Variants in TRMT2A observed in about 807,000 individuals in gnomAD.
TRMT2A encodes the protein tRNA methyltransferase 2A, also known as tRNA (uracil-5-)-methyltransferase homolog A.
Under a neutral mutation model 59.3 loss-of-function variants are expected in TRMT2A, and 60 were observed. The ratio of observed to expected loss-of-function variants is 1.01; its 90% confidence interval spans 0.82 to 1.26. The LOEUF (loss-of-function observed/expected upper bound fraction) is 1.26, where lower values mean the gene tolerates loss of function less well. Among genes scored for constraint, TRMT2A ranks in the 50% most tolerant of loss-of-function variants. The pLI is 0.00. For missense variants in TRMT2A, 863 were observed against 845.2 expected, an observed-to-expected ratio of 1.02 and a Z score of -0.26; for synonymous variants, 403 against 353.7, an observed-to-expected ratio of 1.14 and a Z score of -1.56.
intron 7 of TRMT2A, 95 bp downstream of exon 7, chr22:20,114,479 A>T: frequency 9.4e-7 from 1 of 1,060,030 alleles, no homozygotes; most frequent in Admixed American, 1.7e-5. Context: ...ACTCCCCCAA[A>T]TCTCACCGCC....
chr22:20,113,064 G>A (rs1183832672), intron 10 of TRMT2A, 54 bp downstream of exon 10: 2 of 1,611,634 alleles, frequency 1.2e-6, no homozygotes, highest in Non-Finnish European at 1.7e-6. Flanking sequence ...AACATGGTGA[G>A]CCACCCCATG....
chr22:20,116,040 G>A lies in TRMT2A; in HGVS notation c.597C>T (p.Ala199=), dbSNP rs765604708. ...GGGCGTCTTGCGCCCACACTCACTTGGCAAGTTTCTGCAGCACCTGCTCGC... is the reference window on the plus strand; with the variant it reads ...GGGCGTCTTGCGCCCACACTCACTTAGCAAGTTTCTGCAGCACCTGCTCGC... ...LECEQVLQKL[A]KEIGSTNRAL... Residue 199 remains alanine, a splice_region_variant and synonymous_variant, in exon 2 of 12, where the codon GCC becomes GCT. Coordinates refer to ENST00000252136, the MANE Select transcript of TRMT2A (RefSeq NM_022727.6). 2 of 1,553,078 alleles carry A rather than the reference G, an allele frequency of 1.3e-6. No homozygotes were observed. The highest frequency in any genetic ancestry group is 1.2e-5 in the South Asian group (1 of 82,512).
chr22:20,116,870 C>T lies in TRMT2A; in HGVS notation c.24+13G>A. ...CCATCCCCGTCTCTACCCAGCGTCT[C>T]CCCGCACTCTACCTCGTTGTCGAGG... On this transcript the variant is annotated intron_variant, in intron 1 of 11. Transcript: ENST00000252136. 6.3e-7 allele frequency: 1 copy of T among 1,593,968 alleles called. No individual in the cohort carries two copies. The highest frequency in any genetic ancestry group is 1.1e-5 in the South Asian group (1 of 88,848).
At position 20,116,900 on chromosome 22, in the gene TRMT2A, C is replaced by T; in HGVS notation, c.7G>A (p.Glu3Lys). 1 of 1,601,264 alleles carries T rather than the reference C, an allele frequency of 6.2e-7. No individual in the cohort carries two copies. The highest frequency in any genetic ancestry group is 1.1e-5 in the South Asian group (1 of 88,884). MS[E>K]NLDNEGPKPM... ...CACTCTACCTCGTTGTCGAGGTTCT[C>T]ACTCATCGCCCAGGCGGTTCTCCGC... Residue 3 changes from glutamate to lysine, a missense_variant, in exon 1 of 12, where the codon GAG becomes AAG. Physicochemically the swap from Glu to Lys is moderately conservative, Grantham distance 56. Transcript: ENST00000252136.
In TRMT2A at chr22:20,113,181, G is replaced by A; in HGVS notation, c.1486C>T (p.Leu496=). The A allele has an allele frequency of 6.3e-7, 1 of 1,595,128 alleles. No individual in the cohort carries two copies. The highest frequency in any genetic ancestry group is 8.5e-7 in the Non-Finnish European group (1 of 1,169,892). The change falls in exon 10 of 12, where the codon CTG becomes TTG. Residue 496 remains leucine (L), a synonymous_variant. Transcript: ENST00000252136. ...TGCTGGGAGGCCAGTCTGCTCACCA[G>A]GGTGGGCACCAGGTCCTCGGCCCTC... ...CGRAEDLVPT[L]VSRLASQHLV...
At chr22:20,114,304 T>A (rs970780432) in intron 7 of TRMT2A, among the ~76,000 whole-genome samples, 4 of 152,184 alleles carry the variant, frequency 2.6e-5, no homozygotes, top group African/African-American at 9.7e-5. Flanking sequence ...GCCTCCCTCC[T>A]GCCGAGCCCA....
rs200273141 is a variant in TRMT2A at position 20,115,438 on chromosome 22, G to A, written c.718C>T (p.Arg240Cys). The A allele has an allele frequency of 3.1e-6, 5 of 1,608,284 alleles. No homozygotes were observed. Among genetic ancestry groups the A allele is most frequent in the Non-Finnish European group, 4.2e-6 (5 of 1,177,862 alleles). Residue 240 changes from arginine (R) to cysteine (C), a missense_variant, in exon 4 of 12, where the codon CGT (arginine) becomes TGT (cysteine). Transcript: ENST00000252136. ...VRPSPQQTEY[R>C]NKCEFLVGVG... The stretch of plus-strand genomic sequence containing the variant: ...CCAACCAGAAACTCACACTTATTAC[G>A]ATACTCAGTCTGCAGGGAGAGAGAG...
chr22:20,115,454 G>A lies in TRMT2A; in HGVS notation c.709-7C>T, dbSNP rs746043208. 25 of 1,601,284 alleles carry A rather than the reference G, an allele frequency of 1.6e-5. No individual in the cohort carries two copies. Among genetic ancestry groups the A allele is most frequent in the East Asian group, 2.2e-5 (1 of 44,650 alleles). On this transcript the variant is annotated splice_polypyrimidine_tract_variant and splice_region_variant and intron_variant, in intron 3 of 11. Coordinates refer to ENST00000252136, the MANE Select transcript of TRMT2A (RefSeq NM_022727.6). Reference sequence around the variant, plus strand: ...ACTTATTACGATACTCAGTCTGCAGGGAGAGAGAGCTGCACCTTACCCTGG... The same window carrying A: ...ACTTATTACGATACTCAGTCTGCAGAGAGAGAGAGCTGCACCTTACCCTGG...
chr22:20,116,042 C>G lies in TRMT2A; in HGVS notation c.595G>C (p.Ala199Pro). Residue 199 changes from alanine (A) to proline (P), a missense_variant, in exon 2 of 12, where the codon GCC becomes CCC. Transcript: ENST00000252136. The stretch of plus-strand genomic sequence containing the variant: ...GCGTCTTGCGCCCACACTCACTTGG[C>G]AAGTTTCTGCAGCACCTGCTCGCAC... Reference protein sequence around the residue: ...LECEQVLQKLAKEIGSTNRAL... With the variant: ...LECEQVLQKLPKEIGSTNRAL... The G allele has an allele frequency of 6.4e-7, 1 of 1,553,436 alleles. No individual in the cohort carries two copies.
At chr22:20,113,405 A>AGG in intron 9 of TRMT2A, 27 bp downstream of exon 9, 3 of 597,468 alleles carry the variant, frequency 5.0e-6, no homozygotes, top group Non-Finnish European at 7.8e-6. Flanking sequence ...CCCCATCCCC[A>AGG]CCCCCACCCA....
chr22:20,117,114 G>T lies in TRMT2A; in HGVS notation c.-208C>A. ...ACTCGAACCTGCGATGCTCAGGTCC[G>T]GGTCTCAGGCTTGGGGCTGTACCGC... On this transcript the variant is annotated 5_prime_UTR_variant, in exon 1 of 12. Coordinates refer to ENST00000252136, the MANE Select transcript of TRMT2A (RefSeq NM_022727.6). 1 of 679,686 alleles carries T rather than the reference G, an allele frequency of 1.5e-6. No homozygotes were observed. Among genetic ancestry groups the T allele is most frequent in the Non-Finnish European group, 2.4e-6 (1 of 411,146 alleles). 42.1% of individuals were successfully genotyped at this position (679,686 alleles called of 1,614,324 possible). A position where few individuals can be genotyped will look rare whatever the true frequency, so the allele number is the denominator to read the frequency against.
rs769526875 is a variant in TRMT2A, at chr22:20,116,622, G to A, written c.25-10C>T. 1.3e-5 allele frequency: 20 copies of A among 1,529,364 alleles called. No individual in the cohort carries two copies. The South Asian group carries it at 2.0e-4, about 15-fold the overall frequency. 94.7% of individuals were successfully genotyped at this position (1,529,364 alleles called of 1,614,324 possible). A position where few individuals can be genotyped will look rare whatever the true frequency, so the allele number is the denominator to read the frequency against. ...CCATGGGCTTCGGGCCCTGTGTGGGGACAGATGGGGTGCTAGGGTGAGGAC... is the reference window on the plus strand; with the variant it reads ...CCATGGGCTTCGGGCCCTGTGTGGGAACAGATGGGGTGCTAGGGTGAGGAC... On this transcript the variant is annotated splice_polypyrimidine_tract_variant and intron_variant, in intron 1 of 11. Coordinates refer to ENST00000252136, the MANE Select transcript of TRMT2A (RefSeq NM_022727.6).
intron 4 of TRMT2A, 30 bp downstream of exon 4, chr22:20,115,236 C>T: frequency 6.2e-7 from 1 of 1,601,252 alleles, no homozygotes; most frequent in Non-Finnish European, 8.5e-7. Flanking sequence ...CCGCATAGGA[C>T]TTCCCGGGAG....
chr22:20,113,553 C>T, intron 8 of TRMT2A, 46 bp from the exon 9 acceptor site: 1 of 1,611,834 alleles, frequency 6.2e-7, no homozygotes, highest in Non-Finnish European at 8.5e-7. Context: ...GAGGGGAGTA[C>T]ATGGGGCCCT....
Position 20,116,544 on chromosome 22 carries a change from C to CCT in TRMT2A, c.92_93insAG (p.Pro32GlyfsTer84), listed in dbSNP as rs1568975769. 7 of 1,598,414 alleles carry CCT rather than the reference C, an allele frequency of 4.4e-6. No individual in the cohort carries two copies. Among genetic ancestry groups the CCT allele is most frequent in the Non-Finnish European group, 6.0e-6 (7 of 1,174,996 alleles). ...CCAGGGCTGCCGGGGCTGCAGGGGGCACCGAGACGGTAGGGCAGCTCAGGG... is the reference window on the plus strand; with the variant it reads ...CCAGGGCTGCCGGGGCTGCAGGGGGCCTACCGAGACGGTAGGGCAGCTCAGGG... On this transcript the variant is annotated frameshift_variant, in exon 2 of 12. Coordinates refer to ENST00000252136, the MANE Select transcript of TRMT2A (RefSeq NM_022727.6). LOFTEE classifies it high-confidence loss of function.
Position 20,112,197 on chromosome 22 carries a change from C to G in TRMT2A, c.*366G>C, listed in dbSNP as rs1310872040. 6 of 285,484 alleles carry G rather than the reference C, an allele frequency of 2.1e-5. No individual in the cohort carries two copies. The highest frequency in any genetic ancestry group is 2.6e-5 in the Non-Finnish European group (4 of 153,538). 17.7% of individuals were successfully genotyped at this position (285,484 alleles called of 1,614,324 possible). A position where few individuals can be genotyped will look rare whatever the true frequency, so the allele number is the denominator to read the frequency against. Reference sequence around the variant, plus strand: ...AAAGTAAGCTCTGCCCTGACTCCCCCAGCCATGCAGAGAGGCTTGCAGAGC... The same window carrying G: ...AAAGTAAGCTCTGCCCTGACTCCCCGAGCCATGCAGAGAGGCTTGCAGAGC... On this transcript the variant is annotated 3_prime_UTR_variant, in exon 12 of 12. Coordinates refer to ENST00000252136, the MANE Select transcript of TRMT2A (RefSeq NM_022727.6).
rs2049977922 is a variant in TRMT2A at position 20,115,364 on chromosome 22, C to T, written c.792G>A (p.Lys264=). The change falls in exon 4 of 12, where the codon AAG becomes AAA. Residue 264 remains lysine (K), a synonymous_variant. Coordinates refer to ENST00000252136, the MANE Select transcript of TRMT2A (RefSeq NM_022727.6). ...CCACAGCACACGTCCCGCCCTTGTA[C>T]TTGCCGAGCCGACAGCCCACGGTGT... The part of the protein sequence containing the change: ...EDNTVGCRLG[K]YKGGTCAVAA... 1 of 1,612,792 alleles carries T rather than the reference C, an allele frequency of 6.2e-7. No homozygotes were observed. Among genetic ancestry groups the T allele is most frequent in the Non-Finnish European group, 8.5e-7 (1 of 1,180,018 alleles).
chr22:20,113,120 A>G lies in TRMT2A; in HGVS notation c.1547T>C (p.Leu516Ser). 2 of 1,604,786 alleles carry G rather than the reference A, an allele frequency of 1.2e-6. No homozygotes were observed. Among genetic ancestry groups the G allele is most frequent in the Non-Finnish European group, 1.7e-6 (2 of 1,174,296 alleles). The change falls in exon 10 of 12, where the codon TTG becomes TCG. Residue 516 changes from leucine (L) to serine (S), a missense_variant and splice_region_variant. By Grantham distance (145) the Leu-to-Ser change is moderately radical. Transcript: ENST00000252136. ...VAILDPPRAGLHSKVILAIRR... is the reference protein window; with the variant it reads ...VAILDPPRAGSHSKVILAIRR... ...CTCCTTAAGCAAAAGCCACTCACGC[A>G]AGCCAGCACGGGGTGGGTCCAGGAT...
Position 20,113,750 on chromosome 22 carries a change from T to C in TRMT2A, c.1292A>G (p.Asp431Gly). The C allele has an allele frequency of 6.2e-7, 1 of 1,609,518 alleles. No homozygotes were observed. The highest frequency in any genetic ancestry group is 8.5e-7 in the Non-Finnish European group (1 of 1,178,746). Reference sequence around the variant, plus strand: ...CACGTCCAGCACCATGCTCCCCGCATCCAATTGGGCCCAGTCCTGGATGAC... The same window carrying C: ...CACGTCCAGCACCATGCTCCCCGCACCCAATTGGGCCCAGTCCTGGATGAC... ...YTVIQDWAQL[D>G]AGSMVLDVCC... The change falls in exon 8 of 12, where the codon GAT becomes GGT. Residue 431 changes from aspartate (D) to glycine (G), a missense_variant. Transcript: ENST00000252136.
Sources: allele counts gnomAD v4.1 joint callset (sites outside exome capture counted in the v4.1 genomes callset), GRCh38; gene constraint gnomAD v4.1.1; transcripts MANE v1.5; gene names NCBI Gene and HGNC (gene_info 2026-07-23, HGNC 2026-07-21).